Variants in PEX5L observed in about 807,000 individuals in gnomAD.
The protein encoded by PEX5L is peroxisomal biogenesis factor 5 like, also known as PEX5-related protein.
In PEX5L, 30 loss-of-function variants were observed where a neutral mutation model predicts 84.0. That is an observed-to-expected ratio of 0.36 (90% confidence interval 0.27 to 0.48). The LOEUF (loss-of-function observed/expected upper bound fraction) is 0.48, where lower values mean the gene tolerates loss of function less well. Ranked by LOEUF, PEX5L falls within the 20% of genes least tolerant of loss-of-function variation. The pLI is 0.99. For synonymous variants in PEX5L, 270 were observed against 283.1 expected (o/e 0.95, Z 0.46); for missense variants, 533 against 754.6 (o/e 0.71, Z 3.44).
At chr3:179,907,243 C>G (rs1763555175) in intron 2 of PEX5L, among the ~76,000 whole-genome samples, 1 of 151,942 alleles carries the variant, frequency 6.6e-6, no homozygotes, top group South Asian at 2.1e-4. Flanking sequence ...AGAATTTCAT[C>G]CTCCTACTAA....
chr3:179,895,259 T>C (rs892747923), intron 3 of PEX5L, among the ~76,000 whole-genome samples: 2 of 152,128 alleles, frequency 1.3e-5, no homozygotes, highest in Non-Finnish European at 2.9e-5. Flanking sequence ...TTGATTACTC[T>C]CTGAAATCTG....
At chr3:179,898,852 T>C (rs1395970630) in intron 2 of PEX5L, among the ~76,000 whole-genome samples, 1 of 152,174 alleles carries the variant, frequency 6.6e-6, no homozygotes, top group Non-Finnish European at 1.5e-5. Flanking sequence ...CAACTTTCAA[T>C]GTTTTTGAGA....
At chr3:179,944,008 C>G (rs112119139) in intron 2 of PEX5L, among the ~76,000 whole-genome samples, 110 of 151,568 alleles carry the variant, frequency 7.3e-4, no homozygotes, top group African/African-American at 2.4e-3. Context: ...CCTCCCCCCC[C>G]CAAAAAACTG....
intron 7 of PEX5L, among the ~76,000 whole-genome samples, chr3:179,868,650 C>A (rs1056774206): frequency 1.3e-5 from 2 of 152,154 alleles, no homozygotes; most frequent in South Asian, 4.1e-4. Flanking sequence ...GAAAGATTAA[C>A]TGAGAGTCTG....
intron 4 of PEX5L, among the ~76,000 whole-genome samples, chr3:179,882,487 C>T (rs1754458867): frequency 6.6e-6 from 1 of 152,116 alleles, no homozygotes; most frequent in Non-Finnish European, 1.5e-5. Context: ...AATTGGTTAC[C>T]CAGCTGATGA....
chr3:180,031,326 A>C (rs535943538), intron 1 of PEX5L, among the ~76,000 whole-genome samples: 8 of 152,276 alleles, frequency 5.3e-5, no homozygotes, highest in South Asian at 2.1e-4. Flanking sequence ...TCCCTACTAA[A>C]GGGGATGGTA....
chr3:180,036,087 G>C (rs1473593261), intron 1 of PEX5L, among the ~76,000 whole-genome samples: 1 of 152,194 alleles, frequency 6.6e-6, no homozygotes, highest in African/African-American at 2.4e-5. Flanking sequence ...GTCCCATAAT[G>C]TGAAGGGGGA....
intron 8 of PEX5L, among the ~76,000 whole-genome samples, chr3:179,842,525 T>G (rs1358304654): frequency 2.0e-5 from 3 of 152,186 alleles, no homozygotes; most frequent in African/African-American, 7.2e-5. Flanking sequence ...TAATAAATAT[T>G]TTATAAATAT....
At chr3:179,857,374 A>G (rs2108516193) in intron 8 of PEX5L, among the ~76,000 whole-genome samples, 1 of 152,360 alleles carries the variant, frequency 6.6e-6, no homozygotes, top group African/African-American at 2.4e-5. Flanking sequence ...GAACTTTTTG[A>G]TAATTAGTAC....
At chr3:179,875,213 A>G in intron 6 of PEX5L, 141 bp downstream of exon 6, 1 of 702,366 alleles carries the variant, frequency 1.4e-6, no homozygotes. Context: ...TTGAGTTGGT[A>G]GAAGCCACAA....
rs1253943177 is a variant in PEX5L at position 179,931,695 on chromosome 3, A to G, written c.94-33449T>C. Among the ~76,000 whole-genome samples the G allele has an allele frequency of 2.6e-5, 4 of 152,300 alleles. No homozygotes were observed. The East Asian group carries it at 7.7e-4, about 29-fold the overall frequency. The stretch of plus-strand genomic sequence containing the variant: ...AAGAGGCAATGTTTCCAAGCTTACA[A>G]ATGAAAAATTCATTGGATACAGCAC... On this transcript the variant is annotated intron_variant, in intron 2 of 14. Transcript: ENST00000467460.
intron 8 of PEX5L, chr3:179,820,517 A>G (rs1728082559): frequency 6.5e-6 from 1 of 152,716 alleles, no homozygotes; most frequent in African/African-American, 2.4e-5. Context: ...TTCCAAGCCC[A>G]CACTTGTAAG....
intron 2 of PEX5L, among the ~76,000 whole-genome samples, chr3:179,967,554 A>G (rs944726870): frequency 7.9e-5 from 12 of 152,136 alleles, no homozygotes; most frequent in African/African-American, 2.9e-4. Context: ...AGATTACCAG[A>G]TTTCCATGTG....
intron 11 of PEX5L, among the ~76,000 whole-genome samples, chr3:179,810,727 G>A (rs1462842441): frequency 6.6e-6 from 1 of 152,130 alleles, no homozygotes; most frequent in Non-Finnish European, 1.5e-5. Context: ...GGGTAGAGAG[G>A]TTCTTAATTC....
At chr3:179,991,249 A>G (rs529795149) in intron 1 of PEX5L, among the ~76,000 whole-genome samples, 3 of 152,306 alleles carry the variant, frequency 2.0e-5, no homozygotes, top group East Asian at 1.9e-4. Flanking sequence ...GCAGGCCACA[A>G]ATAATTTCAA....
At chr3:179,917,237 TG>T (rs1274237471) in intron 2 of PEX5L, among the ~76,000 whole-genome samples, 1 of 152,130 alleles carries the variant, frequency 6.6e-6, no homozygotes, top group Non-Finnish European at 1.5e-5. Context: ...GAAAGTCTTC[TG>T]GGGCAATAAC....
intron 2 of PEX5L, among the ~76,000 whole-genome samples, chr3:179,923,246 G>T (rs1189463074): frequency 7.3e-6 from 1 of 136,474 alleles, no homozygotes; most frequent in East Asian, 2.1e-4. Context: ...AGTCGAGATC[G>T]CGCCACTGCA....
At chr3:179,986,896 A>G (rs1387179516) in intron 1 of PEX5L, among the ~76,000 whole-genome samples, 2 of 152,250 alleles carry the variant, frequency 1.3e-5, no homozygotes, top group Non-Finnish European at 2.9e-5. Flanking sequence ...ATTAAATAAA[A>G]AGAAAAATAT....
intron 9 of PEX5L, 72 bp from the exon 10 acceptor site, chr3:179,816,076 A>T: frequency 6.8e-7 from 1 of 1,480,672 alleles, no homozygotes; most frequent in Middle Eastern, 1.7e-4. Flanking sequence ...ATAAGTTCTC[A>T]TTAAAAAGTC....
Sources: gnomAD v4.1 joint callset for allele counts (sites outside exome capture counted in the v4.1 genomes callset) on GRCh38, gnomAD v4.1.1 for gene constraint, MANE v1.5 for transcripts, NCBI Gene and HGNC (gene_info 2026-07-23, HGNC 2026-07-21) for gene names.